The following NELL1 variants were observed in gnomAD, a reference collection of about 807,000 sequenced individuals.
NELL1 encodes neural EGFL like 1, also known as protein kinase C-binding protein NELL1.
A neutral mutation model predicts 107.4 loss-of-function variants in NELL1; 76 were observed. The observed-to-expected ratio is 0.71, with a 90% confidence interval of 0.59 to 0.86. The LOEUF is 0.86. NELL1 is among the 40% of genes least tolerant of loss of function. NELL1 has a pLI of 0.00. For missense variants in NELL1, 1,024 were observed against 1,005.5 expected (o/e 1.02, Z -0.25); for synonymous variants, 353 against 341.2 (o/e 1.03, Z -0.38).
chr11:21,153,818 G>A (rs1487007969), intron 13 of NELL1, among the ~76,000 whole-genome samples: 3 of 152,112 alleles, frequency 2.0e-5, no homozygotes, highest in African/African-American at 7.2e-5. Context: ...ATCTAGGATT[G>A]TCTGACTTCC....
intron 3 of NELL1, among the ~76,000 whole-genome samples, chr11:20,810,482 AT>A (rs1399764550): frequency 6.6e-6 from 1 of 152,206 alleles, no homozygotes; most frequent in Non-Finnish European, 1.5e-5. Context: ...TTGGTTTTCC[AT>A]TCTGAGTTAC....
intron 12 of NELL1, among the ~76,000 whole-genome samples, chr11:21,024,848 T>C (rs1852778840): frequency 6.6e-6 from 1 of 152,132 alleles, no homozygotes; most frequent in Middle Eastern, 3.2e-3. Context: ...AAGAATTACC[T>C]AAAACTTTTC....
intron 12 of NELL1, among the ~76,000 whole-genome samples, chr11:21,051,789 T>C (rs1035954630): frequency 1.3e-5 from 2 of 151,784 alleles, no homozygotes; most frequent in African/African-American, 4.8e-5. Context: ...TCAACAAAAA[T>C]TGAGAACCTA....
intron 13 of NELL1, among the ~76,000 whole-genome samples, chr11:21,120,918 C>T (rs1287625223): frequency 6.6e-6 from 1 of 152,010 alleles, no homozygotes; most frequent in Admixed American, 6.6e-5. Flanking sequence ...GGCTCTGTAA[C>T]CCTCCTTCCC....
At chr11:20,916,623 G>A (rs1038148496) in intron 5 of NELL1, among the ~76,000 whole-genome samples, 4 of 151,792 alleles carry the variant, frequency 2.6e-5, no homozygotes, top group African/African-American at 4.8e-5. Context: ...ATTCTGCATC[G>A]CCTGGGGTAA....
At chr11:21,007,596 C>CT (rs1212588384) in intron 12 of NELL1, among the ~76,000 whole-genome samples, 1 of 151,638 alleles carries the variant, frequency 6.6e-6, no homozygotes, top group Non-Finnish European at 1.5e-5. Flanking sequence ...TCTAAGATTT[C>CT]TTTTTTTGTT....
chr11:21,239,695 C>T (rs1858302300), intron 14 of NELL1, among the ~76,000 whole-genome samples: 2 of 152,030 alleles, frequency 1.3e-5, no homozygotes. Context: ...CACTTCTACA[C>T]ATTTGACTCA....
rs137928106 is a variant in NELL1 at position 21,198,171 on chromosome 11, G to A, written c.1427-31161G>A. On this transcript the variant is annotated intron_variant, in intron 13 of 19. Coordinates refer to ENST00000357134, the MANE Select transcript of NELL1 (RefSeq NM_006157.5). ...GACTCAGCTGGGGCTATCAACTAGA[G>A]CACTCCATGTGCCTCTCCACATGTT... Among the ~76,000 whole-genome samples the A allele has an allele frequency of 7.6e-3, 1,154 of 152,304 alleles. 15 individuals carry two copies. The highest frequency in any genetic ancestry group is 0.026 in the African/African-American group (1,096 of 41,568).
intron 2 of NELL1, among the ~76,000 whole-genome samples, chr11:20,684,272 A>G (rs1213084046): frequency 6.6e-6 from 1 of 151,952 alleles, no homozygotes; most frequent in Non-Finnish European, 1.5e-5. Context: ...TTATTTTAAA[A>G]AGACTAAAAA....
intron 15 of NELL1, among the ~76,000 whole-genome samples, chr11:21,441,535 G>T (rs1319222117): frequency 6.6e-6 from 1 of 151,832 alleles, no homozygotes; most frequent in Non-Finnish European, 1.5e-5. Context: ...AATCATTAAA[G>T]GCTGTATGAT....
intron 14 of NELL1, among the ~76,000 whole-genome samples, chr11:21,297,814 G>A (rs1849404916): frequency 1.3e-5 from 2 of 151,942 alleles, no homozygotes; most frequent in South Asian, 2.1e-4. Context: ...GACAGAGGCG[G>A]GGAAGGGAAA....
intron 13 of NELL1, among the ~76,000 whole-genome samples, chr11:21,147,756 A>T (rs1373106177): frequency 1.4e-5 from 2 of 144,428 alleles, no homozygotes; most frequent in African/African-American, 5.2e-5. Context: ...GAATTGCTTG[A>T]ACCCGGGAGG....
chr11:21,111,585 T>C (rs1855109673), intron 12 of NELL1, among the ~76,000 whole-genome samples: 1 of 152,034 alleles, frequency 6.6e-6, no homozygotes, highest in Non-Finnish European at 1.5e-5. Flanking sequence ...GCTCCTCACT[T>C]GGGGGCCCAG....
rs147067365 is a variant in NELL1, at chr11:21,569,455, T to TATGATGATG, written c.1981-1279_1981-1271dup. 1.7e-3 allele frequency among the ~76,000 whole-genome samples: 252 copies of TATGATGATG among 149,774 alleles called. 3 individuals carry two copies. The highest frequency in any genetic ancestry group is 4.9e-3 in the African/African-American group (202 of 40,812). ...GATAAGTATTAAATACATGGTAGAA[T>TATGATGATG]ATGATGATGATGATGATGATGATGA... On this transcript the variant is annotated intron_variant, in intron 17 of 19. Transcript: ENST00000357134.
At chr11:21,226,969 A>G (rs1473213136) in intron 13 of NELL1, among the ~76,000 whole-genome samples, 1 of 152,200 alleles carries the variant, frequency 6.6e-6, no homozygotes, top group African/African-American at 2.4e-5. Flanking sequence ...TAGGACAGCA[A>G]AGATGCCACC....
At chr11:21,222,824 T>C (rs1289664658) in intron 13 of NELL1, among the ~76,000 whole-genome samples, 1 of 151,302 alleles carries the variant, frequency 6.6e-6, no homozygotes, top group East Asian at 1.9e-4. Flanking sequence ...TCCTGAAACT[T>C]GTTTATATTC....
chr11:21,549,655 C>G (rs1251295433), intron 16 of NELL1, among the ~76,000 whole-genome samples: 1 of 151,794 alleles, frequency 6.6e-6, no homozygotes, highest in East Asian at 2.0e-4. Context: ...TGTAATTTAT[C>G]CTAATAAGCT....
At chr11:21,504,432 A>C (rs1026865850) in intron 15 of NELL1, among the ~76,000 whole-genome samples, 1 of 152,130 alleles carries the variant, frequency 6.6e-6, no homozygotes, top group African/African-American at 2.4e-5. Flanking sequence ...TTGGAACTTA[A>C]GTCTTTTGAT....
In NELL1 at chr11:20,868,344, T is replaced by C. The variant is rs138326222; in HGVS notation, c.507-17100T>C. Among the ~76,000 whole-genome samples the C allele has an allele frequency of 4.5e-3, 680 of 152,274 alleles. 9 individuals are homozygous for C. The highest frequency in any genetic ancestry group is 0.015 in the African/African-American group (621 of 41,544). On this transcript the variant is annotated intron_variant, in intron 4 of 19. Coordinates refer to ENST00000357134, the MANE Select transcript of NELL1 (RefSeq NM_006157.5). ...GAAATATCTAGAATAGGAGCATTCA[T>C]AGAGACAGAAAGTAAATTAGAGGTT...
Sources: allele counts gnomAD v4.1 joint callset (sites outside exome capture counted in the v4.1 genomes callset), GRCh38; gene constraint gnomAD v4.1.1; transcripts MANE v1.5; gene names NCBI Gene and HGNC (gene_info 2026-07-23, HGNC 2026-07-21).